Variants in TMEM87A observed in about 807,000 individuals in gnomAD.
The protein encoded by TMEM87A is Golgi-pH regulating cation channel.
In TMEM87A, 50 loss-of-function variants were observed where a neutral mutation model predicts 90.0. That is an observed-to-expected ratio of 0.56 (90% CI 0.44 to 0.70). TMEM87A has a LOEUF of 0.70. TMEM87A is among the 30% of genes least tolerant of loss of function. The pLI is 0.00. For synonymous variants in TMEM87A, 226 were observed against 226.7 expected, an observed-to-expected ratio of 1.00 and a Z score of 0.03; for missense variants, 577 against 660.5, an observed-to-expected ratio of 0.87 and a Z score of 1.39.
chr15:42,235,760 G>C (rs2050758479), intron 10 of TMEM87A, among the ~76,000 whole-genome samples: 1 of 152,108 alleles, frequency 6.6e-6, no homozygotes, highest in African/African-American at 2.4e-5. Flanking sequence ...TCTAGCTCCT[G>C]CATTACCTGC....
intron 2 of TMEM87A, among the ~76,000 whole-genome samples, chr15:42,269,139 G>T (rs1489372560): frequency 1.4e-4 from 22 of 152,148 alleles, no homozygotes; most frequent in Non-Finnish European, 1.5e-5. Context: ...TTATTCTGAA[G>T]ACTTGGGAGG....
At chr15:42,261,350 C>T (rs922509820) in intron 4 of TMEM87A, 101 bp from the exon 5 acceptor site, 6 of 861,376 alleles carry the variant, frequency 7.0e-6, no homozygotes, top group African/African-American at 1.7e-5. Context: ...ACACCACACC[C>T]TAACTAGTAA....
chr15:42,237,479 G>C lies in TMEM87A; in HGVS notation c.821C>G (p.Ala274Gly). The change falls in exon 9 of 20, where the codon GCT (alanine) becomes GGT (glycine). Residue 274 changes from alanine to glycine, a missense_variant. By Grantham distance (60) the Ala-to-Gly change is moderately conservative. Transcript: ENST00000389834. ...AVIFLGMLEKAVFYAEFQNIR... is the reference protein window; with the variant it reads ...AVIFLGMLEKGVFYAEFQNIR... ...ATTCTGAAATTCCGCATAGAAGACA[G>C]CTTTCTCAAGCATTCCCAGGAAGAT... 6.2e-7 allele frequency: 1 copy of C among 1,614,078 alleles called. No individual in the cohort carries two copies. The highest frequency in any genetic ancestry group is 8.5e-7 in the Non-Finnish European group (1 of 1,180,000).
chr15:42,223,501 G>A (rs927725603), intron 15 of TMEM87A, among the ~76,000 whole-genome samples: 6 of 152,188 alleles, frequency 3.9e-5, no homozygotes, highest in Non-Finnish European at 8.8e-5. Context: ...ACAGTGTTGG[G>A]AGTTGGGCCT....
At position 42,255,334 on chromosome 15, in the gene TMEM87A, G is replaced by A. The variant is rs116316639; in HGVS notation, c.504+5624C>T. Among the ~76,000 whole-genome samples, 376 of 152,224 alleles carry A rather than the reference G, an allele frequency of 2.5e-3. 2 individuals are homozygous for A. The highest frequency in any genetic ancestry group is 8.6e-3 in the African/African-American group (358 of 41,526). ...TTTTAGTAGAAATGGTTTTCTCCACGTTGGTCAGGTTGGTCTTGAACTCGT... is the reference window on the plus strand; with the variant it reads ...TTTTAGTAGAAATGGTTTTCTCCACATTGGTCAGGTTGGTCTTGAACTCGT... On this transcript the variant is annotated intron_variant, in intron 6 of 19. Coordinates refer to ENST00000389834, the MANE Select transcript of TMEM87A (RefSeq NM_015497.5).
intron 6 of TMEM87A, among the ~76,000 whole-genome samples, chr15:42,255,936 A>T (rs1444627061): frequency 1.4e-5 from 2 of 140,586 alleles, no homozygotes; most frequent in African/African-American, 2.7e-5. Flanking sequence ...CACCCAGCTA[A>T]TTTTTTTTTT....
chr15:42,246,275 T>C (rs1373587014), intron 6 of TMEM87A, among the ~76,000 whole-genome samples: 2 of 152,246 alleles, frequency 1.3e-5, no homozygotes, highest in African/African-American at 4.8e-5. Flanking sequence ...TTAACTATTT[T>C]CTAAGTACTG....
Position 42,211,427 on chromosome 15 carries a change from C to T in TMEM87A, c.*281G>A, listed in dbSNP as rs996897934. On this transcript the variant is annotated 3_prime_UTR_variant, in exon 20 of 20. Coordinates refer to ENST00000389834, the MANE Select transcript of TMEM87A (RefSeq NM_015497.5). ...AACATTACAGAAAGTTCAGGAACAA[C>T]ACACTTAAGTTGCATGAACATCCAT... The T allele has an allele frequency of 3.9e-5, 13 of 330,512 alleles. No homozygotes were observed. The highest frequency in any genetic ancestry group is 2.6e-4 in the African/African-American group (12 of 46,994). The allele number at this position is 330,512 out of a possible 1,614,324, so 20.5% of individuals were successfully genotyped here.
chr15:42,239,644 A>C (rs1460244912), intron 8 of TMEM87A, 26 bp downstream of exon 8: 3 of 1,589,452 alleles, frequency 1.9e-6, no homozygotes, highest in Non-Finnish European at 2.6e-6. Context: ...TCCAATACTG[A>C]GGTTAAATAA....
chr15:42,237,681 G>T, intron 8 of TMEM87A, 66 bp from the exon 9 acceptor site: 4 of 1,222,096 alleles, frequency 3.3e-6, no homozygotes, highest in Non-Finnish European at 4.3e-6. Flanking sequence ...TGTAGATTTA[G>T]AATCAATATA....
intron 4 of TMEM87A, among the ~76,000 whole-genome samples, chr15:42,262,869 T>C (rs748641466): frequency 2.0e-5 from 3 of 152,228 alleles, no homozygotes; most frequent in Non-Finnish European, 4.4e-5. Context: ...TTTCAACACA[T>C]ATAAAATTTT....
At chr15:42,233,435 C>A in intron 10 of TMEM87A, 129 bp from the exon 11 acceptor site, 4 of 623,324 alleles carry the variant, frequency 6.4e-6, no homozygotes, top group Admixed American at 6.2e-5. Flanking sequence ...ACTTGATTCA[C>A]CTAAGAGAAA....
At chr15:42,220,615 A>G (rs1379661683) in intron 15 of TMEM87A, among the ~76,000 whole-genome samples, 1 of 110,320 alleles carries the variant, frequency 9.1e-6, no homozygotes, top group Non-Finnish European at 1.9e-5. Context: ...AAGAGAAGGG[A>G]GGCCTATTCC....
At chr15:42,217,615 C>G (rs1442683795) in intron 19 of TMEM87A, among the ~76,000 whole-genome samples, 188 bp downstream of exon 19, 1 of 152,120 alleles carries the variant, frequency 6.6e-6, no homozygotes. Context: ...TAGACAGATG[C>G]AAAGAAAGGA....
intron 3 of TMEM87A, among the ~76,000 whole-genome samples, chr15:42,264,699 A>ATTTTTTTT (rs1555409717): frequency 3.7e-5 from 4 of 109,426 alleles, no homozygotes; most frequent in South Asian, 3.0e-4. Context: ...ATATATATAT[A>ATTTTTTTT]TTTTTTTTTT....
At position 42,261,224 on chromosome 15, in the gene TMEM87A, C is replaced by T. The variant is rs566181385; in HGVS notation, c.431G>A (p.Arg144Gln). Reference sequence around the variant, plus strand: ...CTGTTTTTCTCCTAAAAGAGGCAGTCGATGCATAAAATCTCCAGAAAAGGT... The same window carrying T: ...CTGTTTTTCTCCTAAAAGAGGCAGTTGATGCATAAAATCTCCAGAAAAGGT... ...TQTFSGDFMH[R>Q]LPLLGEKQEA... The change falls in exon 5 of 20, where the codon CGA becomes CAA. Residue 144 changes from arginine to glutamine, a missense_variant. Arg to Gln is a conservative substitution (Grantham distance 43). Coordinates refer to ENST00000389834, the MANE Select transcript of TMEM87A (RefSeq NM_015497.5). The T allele has an allele frequency of 9.9e-6, 16 of 1,613,122 alleles. No individual in the cohort carries two copies. The highest frequency in any genetic ancestry group is 1.7e-4 in the Middle Eastern group (1 of 6,058).
Position 42,217,823 on chromosome 15 carries a change from C to T in TMEM87A, c.1606G>A (p.Ala536Thr), listed in dbSNP as rs773607159. The change falls in exon 19 of 20, where the codon GCC (alanine) becomes ACC (threonine). Residue 536 changes from alanine (A) to threonine (T), a missense_variant. By Grantham distance (58) the Ala-to-Thr change is moderately conservative. Coordinates refer to ENST00000389834, the MANE Select transcript of TMEM87A (RefSeq NM_015497.5). ...CCAACCTCATCTGAATCCAGAAGGG[C>T]TGGAAGTGCTCTGCAAAGAGAGAGA... ...PSSVTDVALP[A>T]LLDSDEERMI... 1 of 1,612,696 alleles carries T rather than the reference C, an allele frequency of 6.2e-7. No individual in the cohort carries two copies. Among genetic ancestry groups the T allele is most frequent in the South Asian group, 1.1e-5 (1 of 90,778 alleles).
rs781547919 is a variant in TMEM87A, at chr15:42,244,152, A to G, written c.520T>C (p.Leu174=). The G allele has an allele frequency of 3.2e-6, 5 of 1,568,490 alleles. No homozygotes were observed. The highest frequency in any genetic ancestry group is 4.7e-5 in the East Asian group (2 of 42,298). The change falls in exon 7 of 20, where the codon TTG becomes CTG. Residue 174 remains leucine (L), a synonymous_variant. Coordinates refer to ENST00000389834, the MANE Select transcript of TMEM87A (RefSeq NM_015497.5). ...TATGGTGCATCTTGCCAAGTTTGCA[A>G]TGGTTCATGCATTGCCTAGAAAGGG... ...IGDKTAMHEP[L]QTWQDAPYIF...
intron 10 of TMEM87A, among the ~76,000 whole-genome samples, chr15:42,234,767 C>T (rs1171651391): frequency 6.6e-6 from 1 of 152,134 alleles, no homozygotes. Flanking sequence ...TATCTCTTCA[C>T]CAAAACTATC....
Sources: allele counts gnomAD v4.1 joint callset (sites outside exome capture counted in the v4.1 genomes callset), GRCh38; gene constraint gnomAD v4.1.1; transcripts MANE v1.5; gene names NCBI Gene and HGNC (gene_info 2026-07-23, HGNC 2026-07-21).